Variants in TMEM108 observed in about 807,000 individuals in gnomAD.
TMEM108 encodes the protein transmembrane protein 108.
In TMEM108, 12 loss-of-function variants were observed where a neutral mutation model predicts 35.1. That is an observed-to-expected ratio of 0.34 (90% confidence interval 0.22 to 0.55). The LOEUF is 0.55. TMEM108 is among the 20% of genes least tolerant of loss of function. The pLI, the probability that TMEM108 is intolerant of heterozygous loss-of-function variation, is 0.89. For missense variants in TMEM108, 680 were observed against 753.3 expected (o/e 0.90, Z 1.14); for synonymous variants, 287 against 308.6 (o/e 0.93, Z 0.73).
chr3:133,383,711 T>C (rs1461298068), intron 4 of TMEM108, among the ~76,000 whole-genome samples: 1 of 152,176 alleles, frequency 6.6e-6, no homozygotes, highest in African/African-American at 2.4e-5. Flanking sequence ...CCTGGGACTG[T>C]CCCTTGAGGA....
chr3:133,261,867 T>C (rs7648973), intron 3 of TMEM108, among the ~76,000 whole-genome samples: 3 of 152,034 alleles, frequency 2.0e-5, no homozygotes, highest in Non-Finnish European at 4.4e-5. Flanking sequence ...TATAGTTAGC[T>C]CAGTGTAAAG....
At chr3:133,282,230 G>A (rs1946924845) in intron 3 of TMEM108, among the ~76,000 whole-genome samples, 1 of 152,236 alleles carries the variant, frequency 6.6e-6, no homozygotes, top group Non-Finnish European at 1.5e-5. Context: ...TTTGACTCCA[G>A]CTGAGTTTTC....
chr3:133,298,487 T>G (rs1947175891), intron 3 of TMEM108, among the ~76,000 whole-genome samples: 1 of 152,154 alleles, frequency 6.6e-6, no homozygotes, highest in Non-Finnish European at 1.5e-5. Flanking sequence ...TGCTTGTGAT[T>G]TTATGGGACT....
chr3:133,237,001 A>G (rs533755255), intron 3 of TMEM108, among the ~76,000 whole-genome samples: 1 of 152,240 alleles, frequency 6.6e-6, no homozygotes, highest in Admixed American at 6.5e-5. Flanking sequence ...CTTAGCTGTC[A>G]GAGATATTTG....
chr3:133,198,291 A>G (rs1945609101), intron 2 of TMEM108, among the ~76,000 whole-genome samples: 1 of 152,016 alleles, frequency 6.6e-6, no homozygotes, highest in Admixed American at 6.6e-5. Flanking sequence ...CACTAGATAG[A>G]TGTGGTCAAT....
chr3:133,042,621 G>A (rs1943288532), intron 1 of TMEM108, among the ~76,000 whole-genome samples: 1 of 152,184 alleles, frequency 6.6e-6, no homozygotes, highest in Non-Finnish European at 1.5e-5. Context: ...TCTTGCTAAT[G>A]TTTCCTCCCA....
intron 3 of TMEM108, among the ~76,000 whole-genome samples, chr3:133,252,352 A>C (rs191046066): frequency 6.6e-6 from 1 of 152,256 alleles, no homozygotes; most frequent in Admixed American, 6.5e-5. Context: ...TAAGCTGTAT[A>C]AATTGTGTCC....
chr3:133,107,492 G>A (rs374075862), intron 2 of TMEM108, among the ~76,000 whole-genome samples: 1 of 145,206 alleles, frequency 6.9e-6, no homozygotes, highest in East Asian at 2.1e-4. Flanking sequence ...GTGTGTGTGT[G>A]TGTGTATAAA....
intron 2 of TMEM108, among the ~76,000 whole-genome samples, chr3:133,154,400 T>TTC (rs1422453482): frequency 1.3e-5 from 2 of 152,174 alleles, no homozygotes; most frequent in East Asian, 3.8e-4. Context: ...CTAGGTTTTC[T>TTC]TCTAGGGTTT....
intron 2 of TMEM108, among the ~76,000 whole-genome samples, chr3:133,224,811 A>ACT (rs1363105804): frequency 6.6e-6 from 1 of 151,926 alleles, no homozygotes; most frequent in East Asian, 1.9e-4. Flanking sequence ...ATATGTGCAT[A>ACT]AAACAAGAAG....
At chr3:133,329,766 C>G (rs1301538337) in intron 3 of TMEM108, among the ~76,000 whole-genome samples, 1 of 152,122 alleles carries the variant, frequency 6.6e-6, no homozygotes, top group Non-Finnish European at 1.5e-5. Context: ...GACCCAGCAC[C>G]CTGTGTTTAG....
At chr3:133,182,871 A>C (rs926765799) in intron 2 of TMEM108, among the ~76,000 whole-genome samples, 3 of 152,226 alleles carry the variant, frequency 2.0e-5, no homozygotes, top group African/African-American at 7.2e-5. Context: ...TGTACTGTCC[A>C]GTCCAGACAT....
chr3:133,330,676 A>G (rs1387557754), intron 3 of TMEM108, among the ~76,000 whole-genome samples: 1 of 152,144 alleles, frequency 6.6e-6, no homozygotes, highest in Non-Finnish European at 1.5e-5. Flanking sequence ...AATTATATTT[A>G]GCTTTTTCTA....
chr3:133,175,312 G>A (rs1945201360), intron 2 of TMEM108, among the ~76,000 whole-genome samples: 1 of 152,098 alleles, frequency 6.6e-6, no homozygotes, highest in Non-Finnish European at 1.5e-5. Context: ...TTCAATTTCA[G>A]GAAATACAGA....
intron 3 of TMEM108, among the ~76,000 whole-genome samples, chr3:133,340,400 T>C (rs2107744436): frequency 6.6e-6 from 1 of 151,638 alleles, no homozygotes; most frequent in South Asian, 2.1e-4. Flanking sequence ...AATCCAAAAC[T>C]TGAACGGACT....
At chr3:133,077,237 A>G (rs1943753177) in intron 2 of TMEM108, among the ~76,000 whole-genome samples, 1 of 151,936 alleles carries the variant, frequency 6.6e-6, no homozygotes, top group Admixed American at 6.6e-5. Flanking sequence ...TGCAAACAAT[A>G]CTCCTAAAGT....
At chr3:133,365,981 G>A (rs912359539) in intron 3 of TMEM108, among the ~76,000 whole-genome samples, 6 of 152,134 alleles carry the variant, frequency 3.9e-5, no homozygotes, top group Non-Finnish European at 7.4e-5. Context: ...CAGAGAAGTG[G>A]GGGAGTATGA....
chr3:133,384,548 G>A (rs868584905), intron 4 of TMEM108, among the ~76,000 whole-genome samples: 5 of 152,182 alleles, frequency 3.3e-5, no homozygotes, highest in African/African-American at 7.2e-5. Flanking sequence ...TCTAAGCCAC[G>A]CACGTTTTCA....
At chr3:133,230,280 A>G (rs537534495) in intron 3 of TMEM108, among the ~76,000 whole-genome samples, 1 of 152,370 alleles carries the variant, frequency 6.6e-6, no homozygotes, top group East Asian at 1.9e-4. Flanking sequence ...AATTCAGCTT[A>G]TGTTGTACCC....
Sources: allele counts gnomAD v4.1 joint callset (sites outside exome capture counted in the v4.1 genomes callset), GRCh38; gene constraint gnomAD v4.1.1; transcripts MANE v1.5; gene names NCBI Gene and HGNC (gene_info 2026-07-23, HGNC 2026-07-21).